ARAP2: variants seen among roughly 807,000 people sequenced by gnomAD.
The protein encoded by ARAP2 is arf-GAP with Rho-GAP domain, ANK repeat and PH domain-containing protein 2.
ARAP2 carries 148 observed loss-of-function variants against 194.5 expected under a neutral mutation model. The ratio of observed to expected loss-of-function variants is 0.76; its 90% CI spans 0.67 to 0.87. The LOEUF (loss-of-function observed/expected upper bound fraction) is 0.87. ARAP2 is among the 40% of genes least tolerant of loss of function. The probability of loss-of-function intolerance (pLI) is 0.00; values close to 1 mark genes in which losing one functional copy is unlikely to be tolerated. For synonymous variants in ARAP2, 695 were observed against 683.5 expected (o/e 1.02, Z -0.26); for missense variants, 2,128 against 1,989.7 (o/e 1.07, Z -1.32).
At chr4:36,211,526 T>C (rs1746765637) in intron 5 of ARAP2, among the ~76,000 whole-genome samples, 1 of 152,130 alleles carries the variant, frequency 6.6e-6, no homozygotes, top group Admixed American at 6.6e-5. Context: ...CTAAAAACCA[T>C]TACTGCCTCA....
At chr4:36,215,574 A>G (rs1341764938) in intron 2 of ARAP2, among the ~76,000 whole-genome samples, 1 of 152,240 alleles carries the variant, frequency 6.6e-6, no homozygotes, top group Non-Finnish European at 1.5e-5. Flanking sequence ...CCTAAAAAAC[A>G]TTGAAATTTA....
intron 2 of ARAP2, among the ~76,000 whole-genome samples, chr4:36,215,123 A>G (rs949553732): frequency 6.6e-6 from 1 of 152,212 alleles, no homozygotes; most frequent in Non-Finnish European, 1.5e-5. Flanking sequence ...CCATCTAAAA[A>G]ATGGAAAAAT....
intron 16 of ARAP2, among the ~76,000 whole-genome samples, chr4:36,150,640 C>G (rs893110573): frequency 7.2e-6 from 1 of 138,254 alleles, no homozygotes; most frequent in African/African-American, 2.7e-5. Context: ...GACTCCATCT[C>G]AAAAAAAAAA....
chr4:36,078,663 T>C (rs1468798572), intron 31 of ARAP2, among the ~76,000 whole-genome samples: 1 of 152,130 alleles, frequency 6.6e-6, no homozygotes, highest in Non-Finnish European at 1.5e-5. Flanking sequence ...AGGACTAGGA[T>C]TAAAACATGA....
At chr4:36,012,534 T>C (rs943842632) in intron 9 of ARAP2, 2 of 152,242 alleles carry the variant, frequency 1.3e-5, no homozygotes, top group Admixed American at 1.3e-4. Context: ...TTTGTATAAC[T>C]TTATAAAATC....
intron 20 of ARAP2, among the ~76,000 whole-genome samples, chr4:36,131,094 A>T (rs1469446930): frequency 6.6e-6 from 1 of 151,834 alleles, no homozygotes; most frequent in Non-Finnish European, 1.5e-5. Context: ...CCCACAGGTC[A>T]GGGGGTTCAA....
intron 28 of ARAP2, 145 bp downstream of exon 28, chr4:36,091,736 A>G (rs1175586469): frequency 1.1e-6 from 1 of 893,186 alleles, no homozygotes; most frequent in Non-Finnish European, 1.6e-6. Context: ...AATATCTTAT[A>G]CCATAGGCTG....
intron 2 of ARAP2, among the ~76,000 whole-genome samples, chr4:36,227,115 G>A (rs935266120): frequency 1.3e-5 from 2 of 152,140 alleles, no homozygotes; most frequent in Non-Finnish European, 2.9e-5. Context: ...TTAAGGAAGT[G>A]GGATCTAGAG....
At chr4:36,206,284 G>A (rs920585350) in intron 6 of ARAP2, among the ~76,000 whole-genome samples, 1 of 152,192 alleles carries the variant, frequency 6.6e-6, no homozygotes, top group Non-Finnish European at 1.5e-5. Flanking sequence ...CGTTGTCTGA[G>A]CTCTGACCTT....
chr4:36,084,044 G>A (rs550995782), intron 28 of ARAP2, among the ~76,000 whole-genome samples: 1 of 152,204 alleles, frequency 6.6e-6, no homozygotes, highest in South Asian at 2.1e-4. Context: ...ACTTACACCA[G>A]CAGTTTACCA....
intron 28 of ARAP2, among the ~76,000 whole-genome samples, chr4:36,088,310 C>A (rs886264094): frequency 6.6e-6 from 1 of 152,058 alleles, no homozygotes; most frequent in South Asian, 2.1e-4. Context: ...CAAAACCAAA[C>A]ACAATTCTAT....
chr4:36,145,978 C>T (rs1729547145), intron 19 of ARAP2, among the ~76,000 whole-genome samples: 1 of 151,970 alleles, frequency 6.6e-6, no homozygotes, highest in Admixed American at 6.6e-5. Context: ...ATCCACTTTG[C>T]CACCAAAGAG....
chr4:36,049,140 T>G (rs1722270725), intron 3 of ARAP2, among the ~76,000 whole-genome samples: 2 of 152,016 alleles, frequency 1.3e-5, no homozygotes, highest in Admixed American at 1.3e-4. Context: ...TTTATCTATT[T>G]CTGTAAAAAA....
At chr4:36,173,898 C>T (rs1737218281) in intron 9 of ARAP2, among the ~76,000 whole-genome samples, 1 of 152,154 alleles carries the variant, frequency 6.6e-6, no homozygotes, top group African/African-American at 2.4e-5. Context: ...TATCACATAG[C>T]TGTAACATTT....
At chr4:36,100,324 A>AT (rs532074656) in intron 27 of ARAP2, among the ~76,000 whole-genome samples, 63 of 151,816 alleles carry the variant, frequency 4.1e-4, no homozygotes, top group African/African-American at 1.5e-3. Flanking sequence ...AAATTGATCT[A>AT]TTTTTCGTGG....
intron 9 of ARAP2, among the ~76,000 whole-genome samples, chr4:36,010,808 C>T (rs1714365973): frequency 6.6e-6 from 1 of 152,168 alleles, no homozygotes; most frequent in Non-Finnish European, 1.5e-5. Flanking sequence ...GGTAAGATAG[C>T]ATTTCCTGGC....
intron 6 of ARAP2, among the ~76,000 whole-genome samples, chr4:36,202,054 T>C (rs1744474554): frequency 6.6e-6 from 1 of 152,220 alleles, no homozygotes. Context: ...CACCATGCTG[T>C]TCCAGATTCA....
chr4:36,016,215 A>G (rs1715772479), intron 6 of ARAP2, among the ~76,000 whole-genome samples: 1 of 152,168 alleles, frequency 6.6e-6, no homozygotes, highest in Non-Finnish European at 1.5e-5. Flanking sequence ...ATAGTATAAT[A>G]GGACTTATTT....
intron 27 of ARAP2, 44 bp from the exon 28 acceptor site, chr4:36,092,064 C>T (rs770447235): frequency 6.7e-7 from 1 of 1,484,710 alleles, no homozygotes; most frequent in Non-Finnish European, 9.0e-7. Flanking sequence ...TACGTTTTTA[C>T]TTATTTGAAA....
Sources: allele counts gnomAD v4.1 joint callset (sites outside exome capture counted in the v4.1 genomes callset), GRCh38; gene constraint gnomAD v4.1.1; transcripts MANE v1.5; gene names NCBI Gene and HGNC (gene_info 2026-07-23, HGNC 2026-07-21).